The following TRMT2B variants were observed in gnomAD, a reference collection of about 807,000 sequenced individuals.
TRMT2B encodes the protein tRNA (uracil-5-)-methyltransferase homolog B.
In TRMT2B, 34 loss-of-function variants were observed where a neutral mutation model predicts 39.7. That is an observed-to-expected ratio of 0.86 (90% CI 0.65 to 1.14). The LOEUF (loss-of-function observed/expected upper bound fraction) is 1.14, where lower values mean the gene tolerates loss of function less well. TRMT2B is among the 50% of genes most tolerant of loss of function. The pLI is 0.00. For synonymous variants in TRMT2B, 132 were observed against 137.3 expected (o/e 0.96, Z 0.27); for missense variants, 318 against 377.2 (o/e 0.84, Z 1.30).
chrX:101,037,028 G>A lies in TRMT2B; in HGVS notation c.484C>T (p.Arg162Ter), dbSNP rs141694732. The change falls in exon 6 of 14, where the codon CGA becomes TGA. Residue 162 changes from arginine to a stop codon, truncating the protein, a stop_gained. Transcript: ENST00000372936. LOFTEE classifies it high-confidence loss of function. Reference protein sequence around the residue: ...YRNKSTFSVNRGPDGNPKTVG... With the variant: ...YRNKSTFSVN ...GTCTTTGGATTGCCATCTGGACCTCGGTTCACAGAGAAGGTGGACTTATTT... is the reference window on the plus strand; with the variant it reads ...GTCTTTGGATTGCCATCTGGACCTCAGTTCACAGAGAAGGTGGACTTATTT... The A allele has an allele frequency of 7.4e-6, 9 of 1,211,235 alleles. No homozygotes were observed. The highest frequency in any genetic ancestry group is 3.5e-5 in the South Asian group (2 of 56,960).
intron 4 of TRMT2B, among the ~76,000 whole-genome samples, chrX:101,040,556 T>C (rs1041949639): frequency 9.0e-6 from 1 of 111,502 alleles, no homozygotes; most frequent in African/African-American, 3.3e-5. Context: ...TAAGTAAACA[T>C]GAAATTTTCA....
At chrX:100,974,046 T>C in the TRMT2B span, 1 of 802,990 alleles carries the variant, frequency 1.2e-6, no homozygotes, top group Non-Finnish European at 1.8e-6. Flanking sequence ...TCCCAAACAA[T>C]AAGGAAGAGT....
At chrX:101,014,426 C>G (rs1346783360) in intron 13 of TRMT2B, among the ~76,000 whole-genome samples, 6 of 111,279 alleles carry the variant, frequency 5.4e-5, no homozygotes, top group Non-Finnish European at 1.9e-5. Context: ...CAGCCTTGAA[C>G]TACTAGACTC....
At chrX:100,994,348 T>C in the TRMT2B span, among the ~76,000 whole-genome samples, 1 of 111,863 alleles carries the variant, frequency 8.9e-6, no homozygotes, top group Non-Finnish European at 1.9e-5. Context: ...CTCTCCAAGA[T>C]GTTTAGAATG....
chrX:101,030,451 A>ATTTTTTTTTTTTT (rs1248355991), intron 7 of TRMT2B, among the ~76,000 whole-genome samples: 857 of 46,423 alleles, frequency 0.018, 36 homozygotes, highest in Non-Finnish European at 0.028. Context: ...ATAGATCTGC[A>ATTTTTTTTTTTTT]TTCTTTTTTT....
intron 7 of TRMT2B, among the ~76,000 whole-genome samples, chrX:101,028,039 C>A (rs979131058): frequency 9.1e-6 from 1 of 109,665 alleles, no homozygotes; most frequent in Non-Finnish European, 1.9e-5. Context: ...CCAACCCCCA[C>A]CAGCCAAGGG....
rs2086203482 is a variant in TRMT2B, at chrX:101,010,565, T to C, written c.*16A>G. 1 of 1,207,410 alleles carries C rather than the reference T, an allele frequency of 8.3e-7. No individual in the cohort carries two copies. Among genetic ancestry groups the C allele is most frequent in the Non-Finnish European group, 1.1e-6 (1 of 894,139 alleles). ...TTCAGCCTTAACAAATAGCCTGCTG[T>C]CTTCTAGGAGGCTGCTTATCGAGTA... On this transcript the variant is annotated 3_prime_UTR_variant, in exon 14 of 14. Transcript: ENST00000372936.
At chrX:101,050,685 T>C (rs1317250475) in intron 2 of TRMT2B, among the ~76,000 whole-genome samples, 2 of 101,839 alleles carry the variant, frequency 2.0e-5, no homozygotes, top group Admixed American at 1.1e-4. Context: ...GATCACACCA[T>C]TGCACTCCAG....
chrX:100,988,513 G>T, the TRMT2B span: 1 of 1,159,183 alleles, frequency 8.6e-7, no homozygotes. Context: ...TTGAAGGAGT[G>T]GCTTATAGAC....
chrX:100,990,035 C>T, the TRMT2B span, among the ~76,000 whole-genome samples: 1 of 112,687 alleles, frequency 8.9e-6, no homozygotes, highest in Non-Finnish European at 1.9e-5. Flanking sequence ...AACTCCAGAA[C>T]TTATGGCAAA....
At chrX:101,041,652 T>C (rs1344837475) in intron 3 of TRMT2B, among the ~76,000 whole-genome samples, 2 of 112,081 alleles carry the variant, frequency 1.8e-5, no homozygotes, top group Non-Finnish European at 3.8e-5. Flanking sequence ...TTTTAAAATA[T>C]AATTTGATGT....
At chrX:100,996,923 C>A in the TRMT2B span, among the ~76,000 whole-genome samples, 89 of 111,833 alleles carry the variant, frequency 8.0e-4, no homozygotes, top group African/African-American at 2.8e-3. Flanking sequence ...AAACAAAAAA[C>A]CAAAAAATAA....
the TRMT2B span, among the ~76,000 whole-genome samples, chrX:101,002,221 C>T: frequency 9.0e-6 from 1 of 111,601 alleles, no homozygotes; most frequent in Admixed American, 9.6e-5. Context: ...AGAAATGGAT[C>T]TCTGGGTTCC....
At position 101,010,577 on chromosome X, in the gene TRMT2B, C is replaced by A. The variant is rs1257944056; in HGVS notation, c.*4G>T. On this transcript the variant is annotated 3_prime_UTR_variant, in exon 14 of 14. Transcript: ENST00000372936. The stretch of plus-strand genomic sequence containing the variant: ...AAATAGCCTGCTGTCTTCTAGGAGG[C>A]TGCTTATCGAGTAAAGAGGAGCACC... 1 of 1,210,834 alleles carries A rather than the reference C, an allele frequency of 8.3e-7. No individual in the cohort carries two copies.
chrX:101,040,600 T>A (rs2088170551), intron 4 of TRMT2B, among the ~76,000 whole-genome samples: 1 of 111,914 alleles, frequency 8.9e-6, no homozygotes, highest in African/African-American at 3.2e-5. Flanking sequence ...TGTCAATTAG[T>A]TAGAACAAAT....
At chrX:101,039,351 G>A (rs900141986) in intron 4 of TRMT2B, among the ~76,000 whole-genome samples, 12 of 112,237 alleles carry the variant, frequency 1.1e-4, no homozygotes, top group African/African-American at 3.2e-4. Context: ...GATTACAGGC[G>A]TGAGCCACCA....
chrX:101,020,844 A>AT (rs1177191308), intron 10 of TRMT2B, among the ~76,000 whole-genome samples: 1 of 111,134 alleles, frequency 9.0e-6, no homozygotes, highest in Non-Finnish European at 1.9e-5. Context: ...TAATTTTTAA[A>AT]TTTTTTGTAG....
At chrX:101,044,978 C>T (rs1235718034) in intron 2 of TRMT2B, among the ~76,000 whole-genome samples, 2 of 102,473 alleles carry the variant, frequency 2.0e-5, no homozygotes, top group East Asian at 3.1e-4. Context: ...TGCAATGAGC[C>T]GAGACCGTGC....
the TRMT2B span, among the ~76,000 whole-genome samples, chrX:100,999,912 G>A: frequency 1.8e-5 from 2 of 111,474 alleles, no homozygotes; most frequent in Non-Finnish European, 3.8e-5. Flanking sequence ...TTCCAATGAT[G>A]TGCAGCCAAG....
Sources: allele counts gnomAD v4.1 joint callset (sites outside exome capture counted in the v4.1 genomes callset), GRCh38; gene constraint gnomAD v4.1.1; transcripts MANE v1.5; gene names NCBI Gene and HGNC (gene_info 2026-07-23, HGNC 2026-07-21).